The following MINDY4 variants were observed in gnomAD, a reference collection of about 807,000 sequenced individuals.
The protein encoded by MINDY4 is MINDY lysine 48 deubiquitinase 4, also known as probable ubiquitin carboxyl-terminal hydrolase MINDY-4.
MINDY4 carries 68 observed loss-of-function variants against 87.0 expected under a neutral mutation model. That is an observed-to-expected ratio of 0.78 (90% confidence interval 0.64 to 0.96). MINDY4 has a LOEUF of 0.96. Among genes scored for constraint, MINDY4 ranks in the 40% least tolerant of loss-of-function variants. MINDY4 has a pLI of 0.00. For synonymous variants in MINDY4, 379 were observed against 363.2 expected, an observed-to-expected ratio of 1.04 and a Z score of -0.50; for missense variants, 919 against 928.2, an observed-to-expected ratio of 0.99 and a Z score of 0.13.
intron 15 of MINDY4, among the ~76,000 whole-genome samples, chr7:30,878,836 G>A (rs1467808771): frequency 1.3e-5 from 2 of 152,166 alleles, no homozygotes; most frequent in African/African-American, 2.4e-5. Context: ...CCAGGAGCAC[G>A]TCCTCTCCAT....
intron 5 of MINDY4, among the ~76,000 whole-genome samples, chr7:30,815,173 G>C (rs1320794574): frequency 6.6e-6 from 1 of 152,220 alleles, no homozygotes; most frequent in Non-Finnish European, 1.5e-5. Flanking sequence ...GTGGAAACTG[G>C]CAGCAACTCC....
At chr7:30,835,854 T>G (rs1296980658) in intron 6 of MINDY4, among the ~76,000 whole-genome samples, 1 of 152,234 alleles carries the variant, frequency 6.6e-6, no homozygotes, top group Non-Finnish European at 1.5e-5. Context: ...CGGCAGCAGG[T>G]GTAATGACAA....
intron 15 of MINDY4, among the ~76,000 whole-genome samples, chr7:30,880,255 A>G (rs1469277254): frequency 7.1e-6 from 1 of 140,902 alleles, no homozygotes; most frequent in Non-Finnish European, 1.5e-5. Context: ...TTCCCCCACC[A>G]GGACAAAGTC....
chr7:30,795,372 A>G (rs1787457475), intron 5 of MINDY4, among the ~76,000 whole-genome samples: 1 of 152,184 alleles, frequency 6.6e-6, no homozygotes, highest in Admixed American at 6.5e-5. Context: ...AGCAGTTGCC[A>G]CAGCACTGAC....
At position 30,829,107 on chromosome 7, in the gene MINDY4, G is replaced by A. The variant is rs186703984; in HGVS notation, c.1132+370G>A. Reference sequence around the variant, plus strand: ...AGTATAGCTCTGGCTGGGAAGGCCCGTCCTTTTTAAAAGTTTATCAGTGTA... The same window carrying A: ...AGTATAGCTCTGGCTGGGAAGGCCCATCCTTTTTAAAAGTTTATCAGTGTA... On this transcript the variant is annotated intron_variant, in intron 6 of 17. Transcript: ENST00000265299. 2.3e-3 allele frequency among the ~76,000 whole-genome samples: 351 copies of A among 152,276 alleles called. 9 individuals are homozygous for A. In the Middle Eastern group the frequency reaches 0.024, roughly 10 times the overall value.
intron 17 of MINDY4, among the ~76,000 whole-genome samples, chr7:30,889,515 C>G (rs1323315951): frequency 6.6e-6 from 1 of 152,230 alleles, no homozygotes; most frequent in Non-Finnish European, 1.5e-5. Flanking sequence ...GAGGAGAAGT[C>G]TGACTTCACC....
intron 16 of MINDY4, among the ~76,000 whole-genome samples, 157 bp from the exon 17 acceptor site, chr7:30,882,764 G>A (rs1202361880): frequency 6.6e-6 from 1 of 152,146 alleles, no homozygotes; most frequent in East Asian, 1.9e-4. Context: ...GAGTTGTGCA[G>A]GTGAGAATGG....
chr7:30,836,621 A>G (rs1438964904), intron 6 of MINDY4, 37 bp from the exon 7 acceptor site: 3 of 1,531,996 alleles, frequency 2.0e-6, no homozygotes, highest in African/African-American at 2.7e-5. Flanking sequence ...TCCGTGAGTC[A>G]TAACGAAGGG....
intron 15 of MINDY4, among the ~76,000 whole-genome samples, chr7:30,879,738 C>G (rs972950475): frequency 6.6e-6 from 1 of 152,216 alleles, no homozygotes; most frequent in African/African-American, 2.4e-5. Context: ...TTCTCATTGT[C>G]CCCTCCATAC....
At chr7:30,828,103 G>T (rs1201829531) in intron 5 of MINDY4, among the ~76,000 whole-genome samples, 1 of 152,110 alleles carries the variant, frequency 6.6e-6, no homozygotes, top group Non-Finnish European at 1.5e-5. Context: ...AGCTCTGTGT[G>T]CACATACCTG....
intron 5 of MINDY4, chr7:30,803,435 G>GAA (rs1161134924): frequency 6.6e-6 from 1 of 152,222 alleles, no homozygotes; most frequent in Non-Finnish European, 1.5e-5. Context: ...TTAGCACACA[G>GAA]AAAAAGTCAA....
chr7:30,890,574 G>A (rs550039075), intron 17 of MINDY4, among the ~76,000 whole-genome samples: 1 of 152,306 alleles, frequency 6.6e-6, no homozygotes, highest in African/African-American at 2.4e-5. Flanking sequence ...AAATATGCAA[G>A]GGGAAAATTT....
At chr7:30,878,792 C>T (rs1790367997) in intron 15 of MINDY4, among the ~76,000 whole-genome samples, 1 of 152,228 alleles carries the variant, frequency 6.6e-6, no homozygotes, top group African/African-American at 2.4e-5. Context: ...TCCTCCCCAG[C>T]TCAGAGATGG....
In MINDY4 at chr7:30,782,180, G is replaced by A. The variant is rs779151850; in HGVS notation, c.387G>A (p.Trp129Ter). 3 of 1,613,316 alleles carry A rather than the reference G, an allele frequency of 1.9e-6. No homozygotes were observed. In the East Asian group the frequency reaches 6.7e-5, roughly 36 times the overall value. ...IYDLSDEDAG[W>*]RTSLSETSKA... ...ACCTTTCAGATGAAGATGCAGGATG[G>A]AGAACATCATTGTCAGAAACAAGCA... Residue 129 changes from tryptophan (W) to a stop codon, truncating the protein, a stop_gained, in exon 3 of 18, where the codon TGG becomes TGA. Coordinates refer to ENST00000265299, the MANE Select transcript of MINDY4 (RefSeq NM_032222.3). LOFTEE classifies it high-confidence loss of function.
At chr7:30,873,015 G>A (rs1476408936) in intron 14 of MINDY4, among the ~76,000 whole-genome samples, 1 of 152,238 alleles carries the variant, frequency 6.6e-6, no homozygotes, top group Non-Finnish European at 1.5e-5. Context: ...TGGACGGGCT[G>A]GACAGAGCTG....
chr7:30,792,637 T>A (rs1238268893), intron 5 of MINDY4, among the ~76,000 whole-genome samples: 2 of 152,228 alleles, frequency 1.3e-5, no homozygotes, highest in African/African-American at 4.8e-5. Context: ...TTAAATTTAT[T>A]GGTATAAAAT....
chr7:30,809,551 A>G (rs559465346), intron 5 of MINDY4, among the ~76,000 whole-genome samples: 151 of 145,282 alleles, frequency 1.0e-3, no homozygotes, highest in African/African-American at 3.7e-3. Context: ...TAATTGAAGG[A>G]AAAAAAAAAA....
intron 3 of MINDY4, among the ~76,000 whole-genome samples, chr7:30,784,066 GC>G (rs1787081009): frequency 6.6e-6 from 1 of 152,146 alleles, no homozygotes. Context: ...GGTCGCTGAA[GC>G]TCAGGGTATG....
At chr7:30,809,456 A>G in intron 5 of MINDY4, among the ~76,000 whole-genome samples, 1 of 151,448 alleles carries the variant, frequency 6.6e-6, no homozygotes, top group East Asian at 1.9e-4. Flanking sequence ...CTAACAGGGG[A>G]TCTAAATCTT....
Sources: gnomAD v4.1 joint callset for allele counts (sites outside exome capture counted in the v4.1 genomes callset) on GRCh38, gnomAD v4.1.1 for gene constraint, MANE v1.5 for transcripts, NCBI Gene and HGNC (gene_info 2026-07-23, HGNC 2026-07-21) for gene names.